TMEM123: variants seen among roughly 807,000 people sequenced by gnomAD.
The protein encoded by TMEM123 is porimin.
TMEM123 carries 16 observed loss-of-function variants against 19.7 expected under a neutral mutation model. The observed-to-expected ratio is 0.81, with a 90% CI of 0.55 to 1.23. TMEM123 has a LOEUF of 1.23. Ranked by LOEUF, TMEM123 falls within the 50% of genes most tolerant of loss-of-function variation. TMEM123 has a pLI of 0.00. For synonymous variants in TMEM123, 118 were observed against 99.4 expected, an observed-to-expected ratio of 1.19 and a Z score of -1.12; for missense variants, 313 against 257.8, an observed-to-expected ratio of 1.21 and a Z score of -1.47.
intron 2 of TMEM123, among the ~76,000 whole-genome samples, chr11:102,405,254 A>G (rs1426475151): frequency 2.0e-5 from 3 of 151,684 alleles, no homozygotes; most frequent in Non-Finnish European, 4.4e-5. Flanking sequence ...TCACCTTGTT[A>G]GCCAGGATGG....
At position 102,403,380 on chromosome 11, in the gene TMEM123, A is replaced by G. The variant is rs144284325; in HGVS notation, c.158-1174T>C. On this transcript the variant is annotated intron_variant, in intron 2 of 4. Coordinates refer to ENST00000398136, the MANE Select transcript of TMEM123 (RefSeq NM_052932.3). ...AAAGGTTTCCTTCTTTTTGCATAAA[A>G]TATGGCCTATAACCAGAAGCAAACC... Among the ~76,000 whole-genome samples the G allele has an allele frequency of 6.6e-4, 101 of 152,350 alleles. No individual in the cohort carries two copies. In the East Asian group the frequency reaches 0.016, roughly 24 times the overall value.
Position 102,396,900 on chromosome 11 carries a change from T to A in TMEM123, c.*1967A>T, listed in dbSNP as rs923546244. 1.3e-5 allele frequency: 2 copies of A among 152,220 alleles called. No homozygotes were observed. The highest frequency in any genetic ancestry group is 4.8e-5 in the African/African-American group (2 of 41,448). 9.4% of individuals were successfully genotyped at this position (152,220 alleles called of 1,614,324 possible). A position where few individuals can be genotyped will look rare whatever the true frequency, so the allele number is the denominator to read the frequency against. On this transcript the variant is annotated 3_prime_UTR_variant, in exon 5 of 5. Transcript: ENST00000398136. ...AGAAACAAGTATTCAAAAAGAAACT[T>A]CAGGTCGGTCTACGAAGTTCTGACT...
At chr11:102,429,545 G>A (rs763880740) in intron 2 of TMEM123, among the ~76,000 whole-genome samples, 2 of 152,160 alleles carry the variant, frequency 1.3e-5, no homozygotes, top group Non-Finnish European at 1.5e-5. Context: ...CTTGCCTTGA[G>A]AAAACATTTC....
At chr11:102,411,203 A>C (rs1360786794) in intron 2 of TMEM123, among the ~76,000 whole-genome samples, 1 of 152,130 alleles carries the variant, frequency 6.6e-6, no homozygotes, top group African/African-American at 2.4e-5. Context: ...CCCATCCATC[A>C]ACCTTTGGGA....
In TMEM123 at chr11:102,401,600, A is replaced by G. The variant is rs1281990333; in HGVS notation, c.541T>C (p.Ser181Pro). ...GGIVLTLGVL[S>P]ILYIGCKMYY... ...ATTTTGCATCCAATGTAAAGAATAGATAAAACTCCCAGCGTTAATACAATA... is the reference window on the plus strand; with the variant it reads ...ATTTTGCATCCAATGTAAAGAATAGGTAAAACTCCCAGCGTTAATACAATA... Residue 181 changes from serine (S) to proline (P), a missense_variant, in exon 4 of 5, where the codon TCT becomes CCT. Physicochemically the swap from Ser to Pro is moderately conservative, Grantham distance 74. Coordinates refer to ENST00000398136, the MANE Select transcript of TMEM123 (RefSeq NM_052932.3). 3.1e-6 allele frequency: 5 copies of G among 1,604,582 alleles called. No individual in the cohort carries two copies. The Admixed American group carries it at 7.0e-5, about 23-fold the overall frequency.
At chr11:102,421,118 T>G (rs1383948644) in intron 2 of TMEM123, among the ~76,000 whole-genome samples, 1 of 152,036 alleles carries the variant, frequency 6.6e-6, no homozygotes, top group African/African-American at 2.4e-5. Context: ...ATAAACAAGC[T>G]CAGAATTACT....
At chr11:102,441,825 G>C (rs1454206169) in intron 2 of TMEM123, among the ~76,000 whole-genome samples, 1 of 151,676 alleles carries the variant, frequency 6.6e-6, no homozygotes, top group Non-Finnish European at 1.5e-5. Context: ...AAGAAGAAAA[G>C]AGAGAAGAAT....
At chr11:102,420,379 CCT>C (rs1195268428) in intron 2 of TMEM123, among the ~76,000 whole-genome samples, 36 of 152,162 alleles carry the variant, frequency 2.4e-4, no homozygotes, top group African/African-American at 7.5e-4. Flanking sequence ...AAAGCTGAGC[CCT>C]GTGTGCTCTA....
intron 2 of TMEM123, among the ~76,000 whole-genome samples, chr11:102,403,913 A>G (rs537989637): frequency 2.1e-4 from 32 of 152,290 alleles, no homozygotes; most frequent in African/African-American, 7.5e-4. Flanking sequence ...CTTCTCGGCC[A>G]TGTTGTGGCA....
Position 102,401,564 on chromosome 11 carries a change from TTGAG to T in TMEM123, c.573_576del (p.Tyr191Ter). ...ATGGTTCGATACCGAATGCCTCTTC[TTGAG>T]TAATACATTTTGCATCCAATGTAAA... On this transcript the variant is annotated frameshift_variant, in exon 4 of 5. Transcript: ENST00000398136. LOFTEE classifies it high-confidence loss of function. 6 of 1,589,836 alleles carry T rather than the reference TTGAG, an allele frequency of 3.8e-6. No individual in the cohort carries two copies. Among genetic ancestry groups the T allele is most frequent in the Non-Finnish European group, 5.1e-6 (6 of 1,174,010 alleles).
At chr11:102,434,570 T>A (rs1008943153) in intron 2 of TMEM123, among the ~76,000 whole-genome samples, 2 of 151,978 alleles carry the variant, frequency 1.3e-5, no homozygotes, top group African/African-American at 4.8e-5. Context: ...TTCCTTTTTA[T>A]GCAGAAGCTT....
At chr11:102,406,999 G>A (rs1951961793) in intron 2 of TMEM123, among the ~76,000 whole-genome samples, 1 of 152,090 alleles carries the variant, frequency 6.6e-6, no homozygotes, top group Non-Finnish European at 1.5e-5. Context: ...GAGCTGAAGG[G>A]GGAGGCTTAG....
Position 102,434,047 on chromosome 11 carries a change from G to T in TMEM123, c.157+14765C>A, listed in dbSNP as rs192598572. On this transcript the variant is annotated intron_variant, in intron 2 of 4. Transcript: ENST00000398136. ...TGGCTATTGTGAATAGTGCTGTAAT[G>T]AACATGGGAGTGCAGGCATCTTTTT... is the stretch of plus-strand genomic sequence containing the variant. Among the ~76,000 whole-genome samples the T allele has an allele frequency of 3.5e-4, 53 of 152,040 alleles. 5 individuals are homozygous for T. Among genetic ancestry groups the T allele is most frequent in the Non-Finnish European group, 6.8e-4 (46 of 67,880 alleles).
intron 2 of TMEM123, among the ~76,000 whole-genome samples, chr11:102,416,799 AT>A (rs1952046479): frequency 6.6e-6 from 1 of 152,204 alleles, no homozygotes; most frequent in African/African-American, 2.4e-5. Context: ...CTAATCCACC[AT>A]GATCAAGTAG....
intron 2 of TMEM123, among the ~76,000 whole-genome samples, chr11:102,404,271 C>T (rs766152426): frequency 1.3e-5 from 2 of 152,060 alleles, no homozygotes; most frequent in Non-Finnish European, 1.5e-5. Context: ...GAAAGACAGA[C>T]AGATTGATAT....
intron 2 of TMEM123, among the ~76,000 whole-genome samples, chr11:102,439,616 A>C (rs1214963363): frequency 6.6e-6 from 1 of 152,214 alleles, no homozygotes; most frequent in African/African-American, 2.4e-5. Context: ...AAAAGCTGAA[A>C]ATTCTAAAAA....
At chr11:102,412,779 C>G (rs1952015566) in intron 2 of TMEM123, among the ~76,000 whole-genome samples, 1 of 152,040 alleles carries the variant, frequency 6.6e-6, no homozygotes, top group African/African-American at 2.4e-5. Flanking sequence ...AAAGTAGATA[C>G]TTTTTATAGA....
chr11:102,451,849 T>C (rs1456840396), intron 1 of TMEM123, among the ~76,000 whole-genome samples: 1 of 152,262 alleles, frequency 6.6e-6, no homozygotes, highest in East Asian at 1.9e-4. Context: ...AGCTGTGCCC[T>C]TAACGCTGCG....
chr11:102,402,892 T>C (rs919914345), intron 2 of TMEM123, among the ~76,000 whole-genome samples: 1 of 152,230 alleles, frequency 6.6e-6, no homozygotes, highest in East Asian at 1.9e-4. Flanking sequence ...GAAAAATTAG[T>C]GATTTAAAAT....
Sources: gnomAD v4.1 joint callset for allele counts (sites outside exome capture counted in the v4.1 genomes callset) on GRCh38, gnomAD v4.1.1 for gene constraint, MANE v1.5 for transcripts, NCBI Gene and HGNC (gene_info 2026-07-23, HGNC 2026-07-21) for gene names.